Variants in TCF12 observed in about 807,000 individuals in gnomAD.
The protein encoded by TCF12 is DNA-binding protein HTF4.
A neutral mutation model predicts 86.0 loss-of-function variants in TCF12; 45 were observed. The ratio of observed to expected loss-of-function variants is 0.52; its 90% CI spans 0.41 to 0.67. The LOEUF (loss-of-function observed/expected upper bound fraction) is 0.67. TCF12 is among the 30% of genes least tolerant of loss of function. The pLI, the probability that TCF12 is intolerant of heterozygous loss-of-function variation, is 0.00. For synonymous variants in TCF12, 330 were observed against 299.6 expected, an observed-to-expected ratio of 1.10 and a Z score of -1.05; for missense variants, 881 against 859.9, an observed-to-expected ratio of 1.02 and a Z score of -0.31.
At chr15:57,032,639 C>G (rs1447109087) in intron 3 of TCF12, among the ~76,000 whole-genome samples, 1 of 152,094 alleles carries the variant, frequency 6.6e-6, no homozygotes, top group African/African-American at 2.4e-5. Flanking sequence ...GAGAGGAGGT[C>G]TCACTATGTT....
At chr15:57,076,883 T>G (rs1180693602) in intron 4 of TCF12, among the ~76,000 whole-genome samples, 1 of 152,152 alleles carries the variant, frequency 6.6e-6, no homozygotes, top group Non-Finnish European at 1.5e-5. Flanking sequence ...GGCTGTCCAG[T>G]TTGCCACCAC....
intron 3 of TCF12, among the ~76,000 whole-genome samples, chr15:57,044,523 T>C (rs1322202509): frequency 6.6e-6 from 1 of 152,248 alleles, no homozygotes; most frequent in Non-Finnish European, 1.5e-5. Context: ...ACCTGTTGAA[T>C]GAATCATCAT....
chr15:57,061,452 T>C (rs954534713), intron 3 of TCF12, among the ~76,000 whole-genome samples: 5 of 151,998 alleles, frequency 3.3e-5, no homozygotes, highest in Admixed American at 3.3e-4. Context: ...AAAAAATTAA[T>C]GATTAGCTGA....
intron 3 of TCF12, among the ~76,000 whole-genome samples, chr15:56,926,050 G>A (rs990908654): frequency 2.0e-5 from 3 of 152,180 alleles, no homozygotes; most frequent in Non-Finnish European, 2.9e-5. Flanking sequence ...GGTGGCTCAC[G>A]CCTGTAATCA....
intron 3 of TCF12, among the ~76,000 whole-genome samples, chr15:57,000,211 A>G (rs754647837): frequency 2.0e-5 from 3 of 152,088 alleles, no homozygotes; most frequent in South Asian, 2.1e-4. Context: ...ATCTCTCTCT[A>G]TCACCAGGGA....
At chr15:57,046,234 G>A (rs1383273457) in intron 3 of TCF12, among the ~76,000 whole-genome samples, 5 of 152,146 alleles carry the variant, frequency 3.3e-5, no homozygotes, top group Non-Finnish European at 5.9e-5. Context: ...TCATCACATA[G>A]CTAGCAAATA....
chr15:56,946,057 T>C (rs2060980644), intron 3 of TCF12, among the ~76,000 whole-genome samples: 1 of 152,188 alleles, frequency 6.6e-6, no homozygotes, highest in Non-Finnish European at 1.5e-5. Flanking sequence ...AATTTCTCAG[T>C]CTCACGTACT....
rs2056718801 is a variant in TCF12 at position 57,187,163 on chromosome 15, T to C, written c.391-4995T>C. Among the ~76,000 whole-genome samples the C allele has an allele frequency of 3.7e-5, 4 of 107,910 alleles. No homozygotes were observed. In the Admixed American group the frequency reaches 4.4e-4, roughly 12 times the overall value. 70.8% of individuals were successfully genotyped at this position (107,910 alleles called of 152,430 possible). ...CACTGCACTCCAGCCTGAGTGAGAG[T>C]AAGACTGTCTCCAAAAAAAAAAAAA... On this transcript the variant is annotated intron_variant, in intron 6 of 20. Coordinates refer to ENST00000333725, the MANE Select transcript of TCF12 (RefSeq NM_207037.2).
intron 6 of TCF12, among the ~76,000 whole-genome samples, chr15:57,185,600 T>C (rs187076024): frequency 3.3e-5 from 5 of 152,248 alleles, no homozygotes; most frequent in Admixed American, 2.0e-4. Flanking sequence ...ATTGGTTCTT[T>C]AAAAATATCA....
chr15:56,997,014 C>A (rs186117546), intron 3 of TCF12, among the ~76,000 whole-genome samples: 211 of 152,256 alleles, frequency 1.4e-3, no homozygotes, highest in Middle Eastern at 6.8e-3. Context: ...ACACATAACA[C>A]TATTGGTGGG....
chr15:57,260,040 T>C (rs1367369383), intron 16 of TCF12, among the ~76,000 whole-genome samples: 2 of 152,242 alleles, frequency 1.3e-5, no homozygotes, highest in African/African-American at 4.8e-5. Flanking sequence ...TCGTCTAGTC[T>C]GAGGCCATTT....
chr15:57,212,882 T>C (rs796303906), intron 8 of TCF12, among the ~76,000 whole-genome samples: 2 of 152,172 alleles, frequency 1.3e-5, no homozygotes, highest in African/African-American at 2.4e-5. Context: ...TTTAGTGCTC[T>C]TTCGCGTTAC....
At chr15:57,193,560 A>G (rs972378525) in intron 7 of TCF12, among the ~76,000 whole-genome samples, 4 of 152,248 alleles carry the variant, frequency 2.6e-5, no homozygotes, top group Admixed American at 6.5e-5. Context: ...ATTTCTACCA[A>G]ATATCTTTTA....
chr15:57,163,316 A>G (rs1387960795), intron 5 of TCF12, among the ~76,000 whole-genome samples: 3 of 152,250 alleles, frequency 2.0e-5, no homozygotes, highest in African/African-American at 7.2e-5. Context: ...TCATTAAAGT[A>G]TACATGTCAT....
At chr15:57,226,863 C>G (rs1192366849) in intron 8 of TCF12, among the ~76,000 whole-genome samples, 1 of 152,074 alleles carries the variant, frequency 6.6e-6, no homozygotes, top group African/African-American at 2.4e-5. Context: ...ATTTAAAATT[C>G]AGTTTCTCAA....
At chr15:56,943,896 A>G (rs973587050) in intron 3 of TCF12, among the ~76,000 whole-genome samples, 2 of 152,140 alleles carry the variant, frequency 1.3e-5, no homozygotes, top group African/African-American at 4.8e-5. Flanking sequence ...AACCCCAGGC[A>G]TTCCAGCGGC....
chr15:57,280,433 A>C (rs942347413), intron 19 of TCF12, among the ~76,000 whole-genome samples: 2 of 152,208 alleles, frequency 1.3e-5, no homozygotes, highest in Admixed American at 1.3e-4. Flanking sequence ...AGAACTCTAA[A>C]ATGAAATTTT....
chr15:57,114,029 G>T (rs758578156), intron 5 of TCF12, among the ~76,000 whole-genome samples: 26 of 152,100 alleles, frequency 1.7e-4, no homozygotes, highest in Non-Finnish European at 3.4e-4. Context: ...AAGAGTCTTA[G>T]ATCTTCTCAA....
chr15:57,162,278 C>T (rs2054559147), intron 5 of TCF12, among the ~76,000 whole-genome samples: 1 of 150,842 alleles, frequency 6.6e-6, no homozygotes, highest in Non-Finnish European at 1.5e-5. Context: ...ATACAGTAGC[C>T]AGAGATTTTT....
Sources: gnomAD v4.1 joint callset for allele counts (sites outside exome capture counted in the v4.1 genomes callset) on GRCh38, gnomAD v4.1.1 for gene constraint, MANE v1.5 for transcripts, NCBI Gene and HGNC (gene_info 2026-07-23, HGNC 2026-07-21) for gene names.